NCAM2: variants seen among roughly 807,000 people sequenced by gnomAD.
NCAM2 encodes N-CAM-2.
In NCAM2, 30 loss-of-function variants were observed where a neutral mutation model predicts 98.1. The observed-to-expected ratio is 0.31, with a 90% CI of 0.23 to 0.41. NCAM2 has a LOEUF of 0.41. Among genes scored for constraint, NCAM2 ranks in the 10% least tolerant of loss-of-function variants. The pLI is 1.00. For missense variants in NCAM2, 867 were observed against 1,005.8 expected (o/e 0.86, Z 1.87); for synonymous variants, 368 against 342.4 (o/e 1.07, Z -0.83).
At chr21:21,535,092 G>T (rs1403141438) in intron 17 of NCAM2, among the ~76,000 whole-genome samples, 1 of 152,062 alleles carries the variant, frequency 6.6e-6, no homozygotes, top group Non-Finnish European at 1.5e-5. Context: ...AAATATTTGT[G>T]CAGAGGAGAA....
At chr21:21,135,959 T>G (rs2826681) in intron 1 of NCAM2, among the ~76,000 whole-genome samples, 64,300 of 151,952 alleles carry the variant, frequency 0.42, 14,150 homozygotes, top group African/African-American at 0.55. Context: ...TGTTATGACA[T>G]CATTTGACTT....
intron 1 of NCAM2, among the ~76,000 whole-genome samples, chr21:21,265,408 G>A (rs1460029310): frequency 1.8e-5 from 1 of 54,514 alleles, no homozygotes; most frequent in African/African-American, 6.2e-5. Flanking sequence ...TATTATATAT[G>A]TGTATATATA....
At chr21:21,366,073 G>A (rs138021566) in intron 8 of NCAM2, among the ~76,000 whole-genome samples, 180 of 152,154 alleles carry the variant, frequency 1.2e-3, no homozygotes, top group African/African-American at 4.2e-3. Flanking sequence ...ACTTTTATTT[G>A]TTCTGGTAGA....
chr21:21,177,711 C>T (rs2068339878), intron 1 of NCAM2, among the ~76,000 whole-genome samples: 1 of 151,308 alleles, frequency 6.6e-6, no homozygotes, highest in Non-Finnish European at 1.5e-5. Flanking sequence ...CTTTCTCTCC[C>T]CTCTCCTTCT....
At chr21:21,140,956 A>C (rs909613546) in intron 1 of NCAM2, among the ~76,000 whole-genome samples, 1 of 152,106 alleles carries the variant, frequency 6.6e-6, no homozygotes, top group Non-Finnish European at 1.5e-5. Context: ...CCCTGATTTA[A>C]CATGTACCCT....
intron 15 of NCAM2, among the ~76,000 whole-genome samples, chr21:21,493,487 A>G (rs1986992683): frequency 1.3e-5 from 2 of 151,986 alleles, no homozygotes; most frequent in Non-Finnish European, 2.9e-5. Context: ...AACCTTCCTG[A>G]TAATGAATAT....
intron 5 of NCAM2, among the ~76,000 whole-genome samples, chr21:21,303,520 C>G (rs1306487562): frequency 6.6e-6 from 1 of 151,956 alleles, no homozygotes; most frequent in Non-Finnish European, 1.5e-5. Context: ...TACCCATTCA[C>G]CAAAATGGCT....
intron 1 of NCAM2, among the ~76,000 whole-genome samples, chr21:21,220,836 C>G (rs1236875056): frequency 6.6e-6 from 1 of 152,170 alleles, no homozygotes; most frequent in Non-Finnish European, 1.5e-5. Flanking sequence ...CTATCCTGAG[C>G]TGATAAGATT....
At chr21:21,253,516 A>G (rs937790287) in intron 1 of NCAM2, among the ~76,000 whole-genome samples, 16 of 152,140 alleles carry the variant, frequency 1.1e-4, no homozygotes, top group Non-Finnish European at 1.5e-4. Context: ...CAATGCGAGG[A>G]CACAGCTAGA....
intron 1 of NCAM2, among the ~76,000 whole-genome samples, chr21:21,067,027 T>A (rs1378442654): frequency 6.6e-6 from 1 of 151,964 alleles, no homozygotes; most frequent in Non-Finnish European, 1.5e-5. Context: ...TCTGTTTAAG[T>A]AGGTTTATGC....
intron 1 of NCAM2, among the ~76,000 whole-genome samples, chr21:21,098,169 A>C (rs2066163496): frequency 6.6e-6 from 1 of 151,142 alleles, no homozygotes; most frequent in Non-Finnish European, 1.5e-5. Context: ...TTGTTAGTTA[A>C]TTATTATTGG....
chr21:21,236,756 A>ATGTGTGTG lies in NCAM2; in HGVS notation c.56-43799_56-43792dup, dbSNP rs35816689. ...TAGATTCTCAGAGAAATCAGTACAT[A>ATGTGTGTG]TGTGTGTGTGTGTGTGTGTGTGTGT... On this transcript the variant is annotated intron_variant, in intron 1 of 17. Coordinates refer to ENST00000400546, the MANE Select transcript of NCAM2 (RefSeq NM_004540.5). 5.2e-3 allele frequency among the ~76,000 whole-genome samples: 785 copies of ATGTGTGTG among 150,090 alleles called. 2 individuals carry two copies. Among genetic ancestry groups the ATGTGTGTG allele is most frequent in the East Asian group, 0.011 (55 of 4,990 alleles).
At position 21,264,969 on chromosome 21, in the gene NCAM2, A is replaced by ATATGTG. The variant is rs1272515721; in HGVS notation, c.56-15609_56-15608insTATGTG. Among the ~76,000 whole-genome samples the ATATGTG allele has an allele frequency of 3.1e-4, 40 of 129,704 alleles. 1 individual carries two copies. The South Asian group carries it at 6.4e-3, about 21-fold the overall frequency. The allele number at this position is 129,704 out of a possible 152,430, so 85.1% of individuals were successfully genotyped here. On this transcript the variant is annotated intron_variant, in intron 1 of 17. Coordinates refer to ENST00000400546, the MANE Select transcript of NCAM2 (RefSeq NM_004540.5). ...TATATATATGTGTATGTGTATATAT[A>ATATGTG]CACATATATATTATATATGTGTATG...
At chr21:21,408,067 G>A (rs962802466) in intron 9 of NCAM2, among the ~76,000 whole-genome samples, 1 of 152,160 alleles carries the variant, frequency 6.6e-6, no homozygotes, top group African/African-American at 2.4e-5. Flanking sequence ...AATTGTGACT[G>A]AGATACATTC....
At chr21:21,246,658 T>C (rs890013067) in intron 1 of NCAM2, among the ~76,000 whole-genome samples, 2 of 152,188 alleles carry the variant, frequency 1.3e-5, no homozygotes, top group Non-Finnish European at 2.9e-5. Flanking sequence ...TTGCAGTTTC[T>C]AGATATTCTT....
chr21:21,145,247 A>G (rs1601490048), intron 1 of NCAM2, among the ~76,000 whole-genome samples: 1 of 152,192 alleles, frequency 6.6e-6, no homozygotes, highest in East Asian at 1.9e-4. Flanking sequence ...TTTATAATAG[A>G]TTCATTCACT....
intron 1 of NCAM2, among the ~76,000 whole-genome samples, chr21:21,036,154 T>C (rs551123338): frequency 1.4e-4 from 21 of 152,302 alleles, no homozygotes; most frequent in Non-Finnish European, 2.4e-4. Context: ...TTGTCAAATA[T>C]GTCATGGATT....
At chr21:21,265,274 T>C (rs1158162802) in intron 1 of NCAM2, among the ~76,000 whole-genome samples, 1 of 130,358 alleles carries the variant, frequency 7.7e-6, no homozygotes, top group African/African-American at 2.8e-5. Context: ...CACACATATA[T>C]GTACACATAT....
At chr21:21,515,464 C>T (rs1223950530) in intron 16 of NCAM2, among the ~76,000 whole-genome samples, 2 of 152,108 alleles carry the variant, frequency 1.3e-5, no homozygotes, top group Non-Finnish European at 2.9e-5. Context: ...ACTCATGAAA[C>T]ATAGTGAAAT....
Sources: allele counts gnomAD v4.1 joint callset (sites outside exome capture counted in the v4.1 genomes callset), GRCh38; gene constraint gnomAD v4.1.1; transcripts MANE v1.5; gene names NCBI Gene and HGNC (gene_info 2026-07-23, HGNC 2026-07-21).